KCNN2: variants seen among roughly 807,000 people sequenced by gnomAD.
The protein encoded by KCNN2 is small conductance calcium-activated potassium channel protein 2.
Under a neutral mutation model 55.5 loss-of-function variants are expected in KCNN2, and 24 were observed. That is an observed-to-expected ratio of 0.43 (90% CI 0.31 to 0.61). KCNN2 has a LOEUF of 0.61. Ranked by LOEUF, KCNN2 falls within the 20% of genes least tolerant of loss-of-function variation. KCNN2 has a pLI of 0.08. For synonymous variants in KCNN2, 431 were observed against 336.1 expected (o/e 1.28, Z -3.09); for missense variants, 754 against 853.6 (o/e 0.88, Z 1.45).
chr5:114,068,004 A>T (rs188939380), intron 1 of KCNN2, among the ~76,000 whole-genome samples: 10 of 152,314 alleles, frequency 6.6e-5, no homozygotes, highest in Non-Finnish European at 1.2e-4. Context: ...ACTAACAACT[A>T]ATTTTTCCAG....
At chr5:114,139,955 AATAC>A (rs1383835498) in intron 1 of KCNN2, among the ~76,000 whole-genome samples, 5 of 152,100 alleles carry the variant, frequency 3.3e-5, no homozygotes, top group Admixed American at 6.6e-5. Flanking sequence ...TGAATACAGA[AATAC>A]ATACTTCCTT....
At chr5:114,485,401 C>T (rs1382036834) in intron 5 of KCNN2, among the ~76,000 whole-genome samples, 1 of 152,158 alleles carries the variant, frequency 6.6e-6, no homozygotes, top group Non-Finnish European at 1.5e-5. Flanking sequence ...GCTGGCCAGT[C>T]ACTTCCCACT....
At chr5:114,281,822 T>A (rs2150013207) in intron 2 of KCNN2, among the ~76,000 whole-genome samples, 1 of 152,194 alleles carries the variant, frequency 6.6e-6, no homozygotes, top group East Asian at 1.9e-4. Flanking sequence ...AGTAACTGGA[T>A]CTGGTGTCTA....
At chr5:114,098,376 G>A (rs1288043963) in intron 1 of KCNN2, among the ~76,000 whole-genome samples, 1 of 151,874 alleles carries the variant, frequency 6.6e-6, no homozygotes, top group East Asian at 1.9e-4. Context: ...ACCAGTCTGT[G>A]GCCTGTTAGG....
intron 4 of KCNN2, among the ~76,000 whole-genome samples, chr5:114,467,482 C>T (rs1255997290): frequency 6.6e-6 from 1 of 152,092 alleles, no homozygotes; most frequent in Non-Finnish European, 1.5e-5. Flanking sequence ...TTTTGTATTG[C>T]TTGCTTTTTG....
At chr5:114,492,832 A>G (rs1747925443) in intron 6 of KCNN2, among the ~76,000 whole-genome samples, 1 of 152,168 alleles carries the variant, frequency 6.6e-6, no homozygotes, top group South Asian at 2.1e-4. Context: ...AATACAATGA[A>G]GAATAAGATA....
chr5:114,445,609 C>G (rs761050677), intron 3 of KCNN2, among the ~76,000 whole-genome samples: 1 of 152,160 alleles, frequency 6.6e-6, no homozygotes, highest in Non-Finnish European at 1.5e-5. Flanking sequence ...TGACATGCAT[C>G]AAAATACACA....
intron 2 of KCNN2, among the ~76,000 whole-genome samples, chr5:114,239,800 G>C (rs75120378): frequency 0.014 from 2,172 of 152,218 alleles, 50 homozygotes; most frequent in African/African-American, 0.049. Context: ...AACCTCCTGA[G>C]ATCTTCATTT....
rs954459946 is a variant in KCNN2, at chr5:114,089,663, T to G, written c.-271+33163T>G. On this transcript the variant is annotated intron_variant, in intron 1 of 10. Coordinates refer to the KCNN2 transcript ENST00000512097. ...CTCTGTTTTCTTGGTTTAGAGAAAT[T>G]GCTGTTTTCCTTTTGTATTTCTTCT... Among the ~76,000 whole-genome samples the G allele has an allele frequency of 9.2e-5, 14 of 152,288 alleles. No homozygotes were observed. The East Asian group carries it at 2.5e-3, about 27-fold the overall frequency.
chr5:114,241,466 A>T (rs927404951), intron 2 of KCNN2, among the ~76,000 whole-genome samples: 2 of 151,638 alleles, frequency 1.3e-5, no homozygotes, highest in Non-Finnish European at 2.9e-5. Context: ...TGGACTGGTG[A>T]AAACTAAAAT....
Position 114,107,248 on chromosome 5 carries a change from CTATT to C in KCNN2, c.-271+50750_-271+50753del, listed in dbSNP as rs1398249003. The stretch of plus-strand genomic sequence containing the variant: ...GAGTTCTCTATTTTGTTCCAACAGT[CTATT>C]TGTCTATTTTTGAGCCAGTACCATA... On this transcript the variant is annotated intron_variant, in intron 1 of 10. Transcript: ENST00000512097. Among the ~76,000 whole-genome samples the C allele has an allele frequency of 2.6e-5, 4 of 152,012 alleles. No homozygotes were observed. In the East Asian group the frequency reaches 5.8e-4, roughly 22 times the overall value.
chr5:114,152,630 C>A (rs561879716), intron 1 of KCNN2, among the ~76,000 whole-genome samples: 3 of 151,958 alleles, frequency 2.0e-5, no homozygotes, highest in African/African-American at 4.8e-5. Context: ...TCATGGTGAG[C>A]AAAAATAGTT....
intron 3 of KCNN2, among the ~76,000 whole-genome samples, chr5:114,409,442 A>C (rs1759054257): frequency 6.6e-6 from 1 of 152,074 alleles, no homozygotes; most frequent in South Asian, 2.1e-4. Context: ...TCTTATATGA[A>C]GTTTACAATA....
At chr5:114,274,804 C>T (rs558772605) in intron 2 of KCNN2, among the ~76,000 whole-genome samples, 5 of 152,158 alleles carry the variant, frequency 3.3e-5, no homozygotes, top group Non-Finnish European at 7.4e-5. Flanking sequence ...GACTTCCTCT[C>T]TTCCTATTTG....
intron 5 of KCNN2, among the ~76,000 whole-genome samples, chr5:114,486,076 T>TATC (rs1762427077): frequency 1.3e-5 from 2 of 152,190 alleles, no homozygotes; most frequent in African/African-American, 4.8e-5. Context: ...AGAACCCGGT[T>TATC]ATCAATCTCA....
chr5:114,493,253 A>T, intron 6 of KCNN2, 150 bp from the exon 7 acceptor site: 4 of 713,274 alleles, frequency 5.6e-6, no homozygotes, highest in Non-Finnish European at 1.0e-5. Context: ...TCATTGTACC[A>T]GACACATAAC....
intron 2 of KCNN2, among the ~76,000 whole-genome samples, chr5:114,263,126 G>C (rs1325747465): frequency 6.6e-6 from 1 of 151,906 alleles, no homozygotes; most frequent in African/African-American, 2.4e-5. Flanking sequence ...TTTCTTTTTG[G>C]CTCAGTATGG....
chr5:114,172,941 G>C (rs971212347), intron 1 of KCNN2, among the ~76,000 whole-genome samples: 1 of 151,798 alleles, frequency 6.6e-6, no homozygotes, highest in Non-Finnish European at 1.5e-5. Context: ...AACTTGATAT[G>C]ATCCCGTTTG....
chr5:114,277,921 C>G (rs1755526517), intron 2 of KCNN2, among the ~76,000 whole-genome samples: 1 of 151,604 alleles, frequency 6.6e-6, no homozygotes, highest in Non-Finnish European at 1.5e-5. Flanking sequence ...AAAAGGCATT[C>G]TGGTTTTTGG....
Sources: gnomAD v4.1 joint callset for allele counts (sites outside exome capture counted in the v4.1 genomes callset) on GRCh38, gnomAD v4.1.1 for gene constraint, MANE v1.5 for transcripts, NCBI Gene and HGNC (gene_info 2026-07-23, HGNC 2026-07-21) for gene names.